Variants in CDK13 observed in about 807,000 individuals in gnomAD.
The protein encoded by CDK13 is cyclin-dependent kinase 13.
In CDK13, 40 loss-of-function variants were observed where a neutral mutation model predicts 137.6. The observed-to-expected ratio is 0.29, with a 90% CI of 0.23 to 0.38. CDK13 has a LOEUF of 0.38. Ranked by LOEUF, CDK13 falls within the 10% of genes least tolerant of loss-of-function variation. The probability of loss-of-function intolerance (pLI) is 1.00; values close to 1 mark genes in which losing one functional copy is unlikely to be tolerated. For synonymous variants in CDK13, 869 were observed against 760.1 expected, an observed-to-expected ratio of 1.14 and a Z score of -2.36; for missense variants, 1,704 against 1,951.8, an observed-to-expected ratio of 0.87 and a Z score of 2.39.
intron 1 of CDK13, among the ~76,000 whole-genome samples, chr7:39,966,205 C>A (rs1176206517): frequency 6.6e-6 from 1 of 152,204 alleles, no homozygotes; most frequent in Non-Finnish European, 1.5e-5. Context: ...TAATATCCTG[C>A]AGAGTGTTTT....
intron 5 of CDK13, among the ~76,000 whole-genome samples, chr7:40,020,255 A>C (rs1785084964): frequency 2.0e-5 from 3 of 151,792 alleles, no homozygotes; most frequent in African/African-American, 7.3e-5. Context: ...TTCAGTAGAG[A>C]TGGGGTTTCT....
At position 40,062,817 on chromosome 7, in the gene CDK13, G is replaced by GT. The variant is rs1243233791; in HGVS notation, c.2601-3dup. 1.3e-6 allele frequency: 2 copies of GT among 1,589,066 alleles called. No individual in the cohort carries two copies. Among genetic ancestry groups the GT allele is most frequent in the Admixed American group, 1.7e-5 (1 of 59,878 alleles). ...ACTAACTCTAAAGACTGTTTTCTGTGTTTTTTAGTCGGCCGTATACTAACA... is the reference window on the plus strand; with the variant it reads ...ACTAACTCTAAAGACTGTTTTCTGTGTTTTTTTAGTCGGCCGTATACTAACA... On this transcript the variant is annotated splice_polypyrimidine_tract_variant and intron_variant, in intron 7 of 13. Transcript: ENST00000181839.
intron 4 of CDK13, among the ~76,000 whole-genome samples, chr7:40,001,215 A>G (rs1583971953): frequency 7.3e-6 from 1 of 137,348 alleles, no homozygotes; most frequent in Non-Finnish European, 1.6e-5. Flanking sequence ...AGTCTTCAGC[A>G]TCTTTTTTTT....
At chr7:39,981,997 CTTCTTTTT>C (rs1463659722) in intron 1 of CDK13, among the ~76,000 whole-genome samples, 5 of 148,274 alleles carry the variant, frequency 3.4e-5, no homozygotes, top group African/African-American at 1.2e-4. Flanking sequence ...TTTCTTTTTT[CTTCTTTTT>C]TTCTTTTTTT....
chr7:40,072,530 A>G (rs1786445047), intron 9 of CDK13: 1 of 152,224 alleles, frequency 6.6e-6, no homozygotes, highest in Admixed American at 6.5e-5. Context: ...ACTGAGTTGA[A>G]TCATGTTAAG....
intron 7 of CDK13, among the ~76,000 whole-genome samples, chr7:40,056,287 G>A (rs954206198): frequency 2.0e-5 from 3 of 151,922 alleles, no homozygotes; most frequent in Admixed American, 6.6e-5. Flanking sequence ...CCTTAGTAAC[G>A]GTCATTTTCA....
chr7:40,010,777 G>A (rs1784878158), intron 5 of CDK13, among the ~76,000 whole-genome samples: 1 of 152,148 alleles, frequency 6.6e-6, no homozygotes, highest in African/African-American at 2.4e-5. Flanking sequence ...ACTAGGATTG[G>A]GGACCCCTGC....
chr7:40,076,426 A>T (rs1287424914), intron 9 of CDK13, among the ~76,000 whole-genome samples: 1 of 152,184 alleles, frequency 6.6e-6, no homozygotes, highest in Non-Finnish European at 1.5e-5. Context: ...GAGAAGGAGC[A>T]TTAGCATAGA....
intron 2 of CDK13, among the ~76,000 whole-genome samples, chr7:39,990,155 T>C (rs910888034): frequency 2.0e-5 from 3 of 152,226 alleles, no homozygotes; most frequent in African/African-American, 7.2e-5. Context: ...TACGTATACA[T>C]GTGAGTGCTT....
chr7:40,054,991 G>T (rs1019739302), intron 7 of CDK13, among the ~76,000 whole-genome samples: 1 of 152,020 alleles, frequency 6.6e-6, no homozygotes, highest in African/African-American at 2.4e-5. Context: ...GTCCAGCCTG[G>T]GCAACATAGT....
intron 1 of CDK13, among the ~76,000 whole-genome samples, chr7:39,955,175 A>G (rs148286221): frequency 9.9e-4 from 151 of 152,238 alleles, no homozygotes; most frequent in African/African-American, 3.5e-3. Flanking sequence ...TGTGCTGAAA[A>G]GAGGGGAGGG....
intron 5 of CDK13, among the ~76,000 whole-genome samples, chr7:40,017,872 A>AT (rs1000480462): frequency 6.6e-6 from 1 of 151,070 alleles, no homozygotes; most frequent in Admixed American, 6.6e-5. Context: ...TTAATCTTTT[A>AT]TTTTTATCTT....
At chr7:40,024,799 G>A (rs987575224) in intron 5 of CDK13, among the ~76,000 whole-genome samples, 1 of 152,002 alleles carries the variant, frequency 6.6e-6, no homozygotes, top group East Asian at 1.9e-4. Flanking sequence ...GAGTAGCTGG[G>A]ATTACACGTG....
At chr7:40,012,880 C>T (rs942300449) in intron 5 of CDK13, among the ~76,000 whole-genome samples, 1 of 150,236 alleles carries the variant, frequency 6.7e-6, no homozygotes, top group East Asian at 2.0e-4. Flanking sequence ...CCACTGCACT[C>T]CAGCCTGGGC....
At chr7:40,061,361 A>G (rs1786144490) in intron 7 of CDK13, 2 of 152,202 alleles carry the variant, frequency 1.3e-5, no homozygotes, top group African/African-American at 4.8e-5. Context: ...CTATAGTCCT[A>G]TCTGTGGTAA....
chr7:39,953,276 C>A (rs1283864583), intron 1 of CDK13, among the ~76,000 whole-genome samples: 1 of 152,180 alleles, frequency 6.6e-6, no homozygotes, highest in African/African-American at 2.4e-5. Context: ...TTGAAAAACT[C>A]ATTCATCAAA....
intron 1 of CDK13, among the ~76,000 whole-genome samples, chr7:39,974,073 A>G (rs1163426706): frequency 6.6e-6 from 1 of 152,160 alleles, no homozygotes. Flanking sequence ...GGTTCTTGGC[A>G]TTTTCAAATG....
intron 1 of CDK13, among the ~76,000 whole-genome samples, chr7:39,973,131 C>T (rs758604552): frequency 1.3e-5 from 2 of 152,058 alleles, no homozygotes; most frequent in Non-Finnish European, 2.9e-5. Context: ...CTCTTGTCCA[C>T]CCCCACTACC....
intron 5 of CDK13, among the ~76,000 whole-genome samples, chr7:40,023,325 A>C (rs971556836): frequency 1.3e-5 from 2 of 151,988 alleles, no homozygotes; most frequent in Non-Finnish European, 2.9e-5. Flanking sequence ...TTGTCCTCCC[A>C]AAGTGTTGCG....
Sources: gnomAD v4.1 joint callset for allele counts (sites outside exome capture counted in the v4.1 genomes callset) on GRCh38, gnomAD v4.1.1 for gene constraint, MANE v1.5 for transcripts, NCBI Gene and HGNC (gene_info 2026-07-23, HGNC 2026-07-21) for gene names.